WAPL: variants seen among roughly 807,000 people sequenced by gnomAD.
The protein encoded by WAPL is WAPL cohesin release factor, also known as wings apart-like protein homolog.
In WAPL, 5 loss-of-function variants were observed where a neutral mutation model predicts 121.0. The ratio of observed to expected loss-of-function variants is 0.04; its 90% confidence interval spans 0.02 to 0.09. The LOEUF (loss-of-function observed/expected upper bound fraction) is 0.09. Ranked by LOEUF, WAPL falls within the 10% of genes least tolerant of loss-of-function variation. WAPL has a pLI of 1.00. For synonymous variants in WAPL, 480 were observed against 481.5 expected (o/e 1.00, Z 0.04); for missense variants, 999 against 1,410.8 (o/e 0.71, Z 4.68).
chr10:86,509,770 T>G (rs1438626711), intron 2 of WAPL, among the ~76,000 whole-genome samples: 463 of 151,180 alleles, frequency 3.1e-3, no homozygotes, highest in Middle Eastern at 0.01. Context: ...CTTTGGTTTT[T>G]TTTTTTTTTT....
chr10:86,491,733 TAA>T (rs764600747), intron 4 of WAPL, among the ~76,000 whole-genome samples: 23 of 130,876 alleles, frequency 1.8e-4, no homozygotes, highest in Admixed American at 1.5e-4. Flanking sequence ...AACTTCAACT[TAA>T]AAAAAAAAAA....
intron 2 of WAPL, among the ~76,000 whole-genome samples, chr10:86,502,781 C>G (rs1842270069): frequency 2.0e-5 from 3 of 152,190 alleles, no homozygotes; most frequent in Non-Finnish European, 4.4e-5. Flanking sequence ...CAGAGGTTCT[C>G]AATTAAATCA....
chr10:86,442,156 C>T (rs570518754), intron 17 of WAPL, among the ~76,000 whole-genome samples: 2 of 152,152 alleles, frequency 1.3e-5, no homozygotes, highest in African/African-American at 4.8e-5. Flanking sequence ...CTCAGCCTCC[C>T]GAGTAGCTGA....
At chr10:86,486,770 A>C (rs889551462) in intron 4 of WAPL, among the ~76,000 whole-genome samples, 1 of 152,066 alleles carries the variant, frequency 6.6e-6, no homozygotes, top group African/African-American at 2.4e-5. Flanking sequence ...GCCTGGGAAA[A>C]ATGGTGAAAC....
chr10:86,508,265 G>A (rs1842389800), intron 2 of WAPL, among the ~76,000 whole-genome samples: 1 of 151,878 alleles, frequency 6.6e-6, no homozygotes, highest in South Asian at 2.1e-4. Flanking sequence ...TAACCTCTTT[G>A]GTCATTTTAT....
chr10:86,463,070 G>C (rs186235982), intron 9 of WAPL, among the ~76,000 whole-genome samples: 134 of 152,294 alleles, frequency 8.8e-4, no homozygotes, highest in Middle Eastern at 3.4e-3. Flanking sequence ...TACTAATCAA[G>C]CATTTTATTT....
At chr10:86,468,766 C>A (rs1341250314) in intron 8 of WAPL, among the ~76,000 whole-genome samples, 1 of 151,850 alleles carries the variant, frequency 6.6e-6, no homozygotes, top group Non-Finnish European at 1.5e-5. Context: ...GTGATCAAGA[C>A]CAACCTGACA....
chr10:86,476,594 C>T (rs949839246), intron 4 of WAPL, among the ~76,000 whole-genome samples: 13 of 143,330 alleles, frequency 9.1e-5, no homozygotes, highest in South Asian at 4.6e-4. Flanking sequence ...GAGGCTGAGG[C>T]GGGAGAATCA....
intron 2 of WAPL, among the ~76,000 whole-genome samples, chr10:86,513,022 G>C (rs1842494376): frequency 1.3e-5 from 2 of 152,096 alleles, no homozygotes; most frequent in African/African-American, 4.8e-5. Flanking sequence ...TGGAAAATGG[G>C]AACTACTGTA....
At chr10:86,510,975 C>T (rs775772538) in intron 2 of WAPL, among the ~76,000 whole-genome samples, 3 of 147,180 alleles carry the variant, frequency 2.0e-5, no homozygotes, top group African/African-American at 7.7e-5. Flanking sequence ...TACGGGTGCA[C>T]CCCAACACAT....
chr10:86,508,508 C>G (rs139315694), intron 2 of WAPL, among the ~76,000 whole-genome samples: 90 of 152,058 alleles, frequency 5.9e-4, no homozygotes, highest in Non-Finnish European at 8.4e-4. Context: ...GTTGTAAACA[C>G]TTGTTACCCC....
intron 4 of WAPL, among the ~76,000 whole-genome samples, chr10:86,484,597 T>G (rs1841885946): frequency 6.6e-6 from 1 of 152,236 alleles, no homozygotes; most frequent in Non-Finnish European, 1.5e-5. Flanking sequence ...TGTACAGTCT[T>G]TATAAAGTCT....
chr10:86,485,084 C>T (rs528105957), intron 4 of WAPL, among the ~76,000 whole-genome samples: 97 of 148,762 alleles, frequency 6.5e-4, no homozygotes, highest in African/African-American at 2.2e-3. Flanking sequence ...CACTCACCCC[C>T]CAACCCCTAC....
intron 4 of WAPL, among the ~76,000 whole-genome samples, chr10:86,489,283 G>C (rs1841990075): frequency 6.6e-6 from 1 of 152,208 alleles, no homozygotes; most frequent in Non-Finnish European, 1.5e-5. Context: ...TGGGGGTGTA[G>C]TTTAGTTGTT....
intron 8 of WAPL, 95 bp downstream of exon 8, chr10:86,470,897 T>C: frequency 1.1e-6 from 1 of 950,270 alleles, no homozygotes; most frequent in South Asian, 2.1e-5. Context: ...AATTAGGATA[T>C]ATTTATAGAA....
intron 4 of WAPL, among the ~76,000 whole-genome samples, chr10:86,492,577 C>G (rs898299356): frequency 1.3e-5 from 2 of 152,024 alleles, no homozygotes; most frequent in Non-Finnish European, 2.9e-5. Flanking sequence ...CACAATGCAA[C>G]CGGTGAAATA....
chr10:86,476,104 G>T (rs147256163), intron 4 of WAPL, among the ~76,000 whole-genome samples: 5 of 152,194 alleles, frequency 3.3e-5, no homozygotes, highest in Admixed American at 1.3e-4. Flanking sequence ...GGTGGCTTAC[G>T]CCTGTAATCC....
At chr10:86,460,633 G>A in intron 10 of WAPL, 137 bp from the exon 11 acceptor site, 3 of 620,438 alleles carry the variant, frequency 4.8e-6, no homozygotes, top group Non-Finnish European at 8.1e-6. Context: ...TTTATTCTAG[G>A]TTTCATACTG....
rs545326115 is a variant in WAPL at position 86,486,405 on chromosome 10, CA to C, written c.1644+10795del. ...ACCCGTATAAACTCATTTTATAAAA[CA>C]AAAAATGAAGTTTATCAAAGTATAA... is the stretch of plus-strand genomic sequence containing the variant. On this transcript the variant is annotated intron_variant, in intron 4 of 18. Transcript: ENST00000298767. Among the ~76,000 whole-genome samples, 228 of 152,160 alleles carry C rather than the reference CA, an allele frequency of 1.5e-3. 1 individual carries two copies. The highest frequency in any genetic ancestry group is 7.7e-4 in the East Asian group (4 of 5,184).
Sources: gnomAD v4.1 joint callset for allele counts (sites outside exome capture counted in the v4.1 genomes callset) on GRCh38, gnomAD v4.1.1 for gene constraint, MANE v1.5 for transcripts, NCBI Gene and HGNC (gene_info 2026-07-23, HGNC 2026-07-21) for gene names.